The following CLEC2B variants were observed in gnomAD, a reference collection of about 807,000 sequenced individuals.
CLEC2B encodes the protein C-type (calcium dependent, carbohydrate-recognition domain) lectin, superfamily member 2 (activation-induced).
A neutral mutation model predicts 16.2 loss-of-function variants in CLEC2B; 14 were observed. The observed-to-expected ratio is 0.86, with a 90% CI of 0.57 to 1.35. The LOEUF (loss-of-function observed/expected upper bound fraction) is 1.35, where lower values mean the gene tolerates loss of function less well. CLEC2B is among the 40% of genes most tolerant of loss of function. CLEC2B has a pLI of 0.00. For synonymous variants in CLEC2B, 42 were observed against 55.8 expected (o/e 0.75, Z 1.10); for missense variants, 166 against 182.3 (o/e 0.91, Z 0.52).
intron 4 of CLEC2B, 35 bp downstream of exon 4, chr12:9,854,346 T>A: frequency 6.9e-7 from 1 of 1,446,318 alleles, no homozygotes; most frequent in South Asian, 1.2e-5. Flanking sequence ...CTGCACTATC[T>A]AAATTTAAGT....
chr12:9,862,972 C>T (rs1442044747), intron 1 of CLEC2B, among the ~76,000 whole-genome samples: 1 of 152,090 alleles, frequency 6.6e-6, no homozygotes, highest in Non-Finnish European at 1.5e-5. Context: ...ATCGGGGTGC[C>T]TGAACGAGGA....
At position 9,853,545 on chromosome 12, in the gene CLEC2B, A is replaced by G; in HGVS notation, c.342-137T>C. Reference sequence around the variant, plus strand: ...AGTTCTCTCTTGCTAGTGTTGAGATACCTATACCAATTTGGATCAAAAGAG... The same window carrying G: ...AGTTCTCTCTTGCTAGTGTTGAGATGCCTATACCAATTTGGATCAAAAGAG... On this transcript the variant is annotated intron_variant, in intron 4 of 4. Coordinates refer to ENST00000228438, the MANE Select transcript of CLEC2B (RefSeq NM_005127.3). The G allele has an allele frequency of 4.6e-6, 3 of 654,714 alleles. 1 individual carries two copies. In the South Asian group the frequency reaches 5.3e-5, roughly 11 times the overall value. The allele number at this position is 654,714 out of a possible 1,614,324, so 40.6% of individuals were successfully genotyped here. A position where few individuals can be genotyped will look rare whatever the true frequency, so the allele number is the denominator to read the frequency against.
intron 2 of CLEC2B, 51 bp from the exon 3 acceptor site, chr12:9,857,688 AC>A (rs758511379): frequency 7.1e-7 from 1 of 1,401,588 alleles, no homozygotes; most frequent in South Asian, 1.2e-5. Flanking sequence ...ATAATATGCT[AC>A]TGTGTTTTGA....
rs966637956 is a variant in CLEC2B, at chr12:9,857,592, A to G, written c.119T>C (p.Ile40Thr). 6.2e-6 allele frequency: 10 copies of G among 1,611,254 alleles called. No homozygotes were observed. The highest frequency in any genetic ancestry group is 4.0e-5 in the African/African-American group (3 of 74,792). The change falls in exon 3 of 5, where the codon ATT (isoleucine) becomes ACT (threonine). Residue 40 changes from isoleucine (I) to threonine (T), a missense_variant. By Grantham distance (89) the Ile-to-Thr change is moderately conservative. Coordinates refer to ENST00000228438, the MANE Select transcript of CLEC2B (RefSeq NM_005127.3). ...DSQSLCPYDWIGFQNKCYYFS... is the reference protein window; with the variant it reads ...DSQSLCPYDWTGFQNKCYYFS... ...ATAATAGCATTTGTTTTGGAAACCA[A>G]TCCAATCATAGGGGCATAAACTCTG... is the stretch of plus-strand genomic sequence containing the variant.
chr12:9,864,441 T>C (rs1867956112), intron 1 of CLEC2B, among the ~76,000 whole-genome samples: 1 of 152,208 alleles, frequency 6.6e-6, no homozygotes, highest in Admixed American at 6.5e-5. Context: ...AATCTTCTCA[T>C]ATCCCTAGTA....
chr12:9,853,197 A>T lies in CLEC2B; in HGVS notation c.*103T>A. 1 of 884,608 alleles carries T rather than the reference A, an allele frequency of 1.1e-6. No homozygotes were observed. Among genetic ancestry groups the T allele is most frequent in the Non-Finnish European group, 1.8e-6 (1 of 557,810 alleles). The allele number at this position is 884,608 out of a possible 1,614,324, so 54.8% of individuals were successfully genotyped here. ...GCCTGACACGTAAGCAGAATTAACC[A>T]GACAGGTACAAAACTCGAACTTTGT... On this transcript the variant is annotated 3_prime_UTR_variant, in exon 5 of 5. Coordinates refer to ENST00000228438, the MANE Select transcript of CLEC2B (RefSeq NM_005127.3).
At chr12:9,855,103 A>C (rs926014113) in intron 3 of CLEC2B, among the ~76,000 whole-genome samples, 1 of 152,034 alleles carries the variant, frequency 6.6e-6, no homozygotes, top group African/African-American at 2.4e-5. Flanking sequence ...TTAACCCTCG[A>C]CCTTTTTCTT....
At chr12:9,854,294 G>A in intron 4 of CLEC2B, 87 bp downstream of exon 4, 1 of 785,242 alleles carries the variant, frequency 1.3e-6, no homozygotes, top group Non-Finnish European at 2.1e-6. Context: ...AAAACTCTTG[G>A]GCTCTAGAGA....
intron 3 of CLEC2B, among the ~76,000 whole-genome samples, chr12:9,856,141 A>G (rs1180030032): frequency 1.3e-5 from 2 of 152,222 alleles, no homozygotes; most frequent in South Asian, 2.1e-4. Flanking sequence ...TTCACATTCC[A>G]TGATCCTCAC....
chr12:9,859,371 A>G (rs1247313113), intron 2 of CLEC2B, among the ~76,000 whole-genome samples: 2 of 151,898 alleles, frequency 1.3e-5, no homozygotes, highest in African/African-American at 2.4e-5. Flanking sequence ...ATACTCTAAA[A>G]CAGGATTGAC....
At position 9,854,420 on chromosome 12, in the gene CLEC2B, C is replaced by T. The variant is rs775146669; in HGVS notation, c.302G>A (p.Arg101Gln). 38 of 1,613,496 alleles carry T rather than the reference C, an allele frequency of 2.4e-5. No homozygotes were observed. Among genetic ancestry groups the T allele is most frequent in the South Asian group, 1.5e-4 (14 of 91,054 alleles). Residue 101 changes from arginine to glutamine, a missense_variant, in exon 4 of 5, where the codon CGA becomes CAA. Coordinates refer to ENST00000228438, the MANE Select transcript of CLEC2B (RefSeq NM_005127.3). ...HWIGLKMAKNRTGQWVDGATF... is the reference protein window; with the variant it reads ...HWIGLKMAKNQTGQWVDGATF... ...AGCTCCATCTACCCATTGTCCTGTT[C>T]GATTTTTTGCCATCTTCAGTCCAAT...
At chr12:9,857,705 C>T in intron 2 of CLEC2B, 68 bp from the exon 3 acceptor site, 2 of 1,215,428 alleles carry the variant, frequency 1.6e-6, no homozygotes, top group African/African-American at 1.5e-5. Context: ...TTTGAGATCA[C>T]TGGACACAGG....
intron 3 of CLEC2B, 26 bp downstream of exon 3, chr12:9,857,448 C>G (rs1241234943): frequency 6.4e-7 from 1 of 1,554,036 alleles, no homozygotes; most frequent in Non-Finnish European, 8.8e-7. Flanking sequence ...AGAAAATTCA[C>G]AAAGAATGTA....
chr12:9,855,693 A>T (rs1409237923), intron 3 of CLEC2B, among the ~76,000 whole-genome samples: 1 of 151,912 alleles, frequency 6.6e-6, no homozygotes, highest in Non-Finnish European at 1.5e-5. Flanking sequence ...GAACTGGGAG[A>T]TGTGTTTCCT....
At chr12:9,866,913 A>G (rs1234200224) in intron 1 of CLEC2B, 1 of 152,216 alleles carries the variant, frequency 6.6e-6, no homozygotes, top group African/African-American at 2.4e-5. Context: ...TTGCAGATAC[A>G]GCGGAAAATA....
intron 3 of CLEC2B, 107 bp from the exon 4 acceptor site, chr12:9,854,591 A>T: frequency 2.9e-6 from 2 of 687,776 alleles, no homozygotes; most frequent in Non-Finnish European, 5.1e-6. Flanking sequence ...CAATTGTTCA[A>T]CTCCTGGCCT....
chr12:9,857,232 T>C (rs1210300486), intron 3 of CLEC2B: 4 of 383,706 alleles, frequency 1.0e-5, no homozygotes, highest in African/African-American at 4.2e-5. Flanking sequence ...CAAGCTCTTC[T>C]GTGTACACTC....
chr12:9,866,781 A>T (rs1867973164), intron 1 of CLEC2B, among the ~76,000 whole-genome samples: 1 of 152,160 alleles, frequency 6.6e-6, no homozygotes, highest in Non-Finnish European at 1.5e-5. Context: ...TTAAAAAAAA[A>T]TCTAGCTTAT....
At chr12:9,862,381 A>G (rs1036595713) in intron 2 of CLEC2B, 118 bp downstream of exon 2, 2 of 917,716 alleles carry the variant, frequency 2.2e-6, no homozygotes, top group East Asian at 9.1e-5. Flanking sequence ...TACCAATTAA[A>G]TGTTATCATG....
Sources: gnomAD v4.1 joint callset for allele counts (sites outside exome capture counted in the v4.1 genomes callset) on GRCh38, gnomAD v4.1.1 for gene constraint, MANE v1.5 for transcripts, NCBI Gene and HGNC (gene_info 2026-07-23, HGNC 2026-07-21) for gene names.